ZNF426: variants seen among roughly 807,000 people sequenced by gnomAD.
ZNF426 encodes CTC-543D15.7.
A neutral mutation model predicts 24.0 loss-of-function variants in ZNF426; 23 were observed. The observed-to-expected ratio is 0.96, with a 90% confidence interval of 0.69 to 1.36. The LOEUF (loss-of-function observed/expected upper bound fraction) is 1.36. Ranked by LOEUF, ZNF426 falls within the 40% of genes most tolerant of loss-of-function variation. ZNF426 has a pLI of 0.00. For missense variants in ZNF426, 646 were observed against 658.4 expected (o/e 0.98, Z 0.21); for synonymous variants, 272 against 224.6 (o/e 1.21, Z -1.89).
Position 9,529,142 on chromosome 19 carries a change from G to A in ZNF426, c.903C>T (p.Thr301=). The A allele has an allele frequency of 6.2e-7, 1 of 1,614,140 alleles. No homozygotes were observed. The highest frequency in any genetic ancestry group is 1.6e-4 in the Middle Eastern group (1 of 6,062). ...ATTCATATGGTTTCTCCCCAGTGTG[G>A]GTTCGCATGTGAATACTGAGGTAGG... ...YPAYLSIHMR[T]HTGEKPYECK... is the part of the protein sequence containing the mutation. Residue 301 remains threonine (T), a synonymous_variant, in exon 8 of 8, where the codon ACC becomes ACT. Coordinates refer to ENST00000253115, the MANE Select transcript of ZNF426 (RefSeq NM_024106.3).
At chr19:9,537,191 TCAAA>T (rs148273067) in intron 2 of ZNF426, among the ~76,000 whole-genome samples, 4,072 of 151,972 alleles carry the variant, frequency 0.027, 185 homozygotes, top group African/African-American at 0.092. Flanking sequence ...AAACAGTGGC[TCAAA>T]CAATCACCTA....
rs1251821180 is a variant in ZNF426, at chr19:9,528,771, C to T, written c.1274G>A (p.Cys425Tyr). ...TGAGGGATACCCAAATACTTTCCCA[C>T]ATATCTTACACTCACAGGCCTTCTC... ...TEEKACECKI[C>Y]GKVFGYPSCL... is the part of the protein sequence containing the mutation. The change falls in exon 8 of 8, where the codon TGT becomes TAT. Residue 425 changes from cysteine to tyrosine, a missense_variant. Transcript: ENST00000253115. The T allele has an allele frequency of 1.9e-6, 3 of 1,614,116 alleles. No homozygotes were observed. Among genetic ancestry groups the T allele is most frequent in the Admixed American group, 1.7e-5 (1 of 60,014 alleles).
At position 9,527,519 on chromosome 19, in the gene ZNF426, T is replaced by C. The variant is rs1329837733; in HGVS notation, c.*861A>G. 1 of 152,216 alleles carries C rather than the reference T, an allele frequency of 6.6e-6. No homozygotes were observed. Among genetic ancestry groups the C allele is most frequent in the African/African-American group, 2.4e-5 (1 of 41,456 alleles). The allele number at this position is 152,216 out of a possible 1,614,324, so 9.4% of individuals were successfully genotyped here. ...TGAACATTCACAGGCTTTTTCATGC[T>C]CCTTACATTCATACAATTTCTCTCC... On this transcript the variant is annotated 3_prime_UTR_variant, in exon 8 of 8. Transcript: ENST00000253115.
rs2073933836 is a variant in ZNF426, at chr19:9,534,397, G to A, written c.118-431C>T. On this transcript the variant is annotated intron_variant, in intron 4 of 7. Coordinates refer to ENST00000253115, the MANE Select transcript of ZNF426 (RefSeq NM_024106.3). ...ATTTTTTGTATTTTTAGTAGAGATA[G>A]GGTTTCAGCATACTGGCTAGGTTGG... 2.0e-5 allele frequency among the ~76,000 whole-genome samples: 3 copies of A among 151,644 alleles called. No individual in the cohort carries two copies. The South Asian group carries it at 6.2e-4, about 32-fold the overall frequency.
In ZNF426 at chr19:9,524,466, T is replaced by C. The variant is rs1051100023; in HGVS notation, c.*3914A>G. 1 of 152,200 alleles carries C rather than the reference T, an allele frequency of 6.6e-6. No homozygotes were observed. The highest frequency in any genetic ancestry group is 2.4e-5 in the African/African-American group (1 of 41,444). The allele number at this position is 152,200 out of a possible 1,614,324, so 9.4% of individuals were successfully genotyped here. ...TTTCTCTCCAGTGTGAGTTCTTTAA[T>C]GACATGGAAAGGGACTGTAAGAATT... On this transcript the variant is annotated 3_prime_UTR_variant, in exon 8 of 8. Transcript: ENST00000253115.
rs946218436 is a variant in ZNF426 at position 9,526,971 on chromosome 19, T to C, written c.*1409A>G. On this transcript the variant is annotated 3_prime_UTR_variant, in exon 8 of 8. Transcript: ENST00000253115. ...AATTGATCTGATAACTTCTGAAAAA[T>C]AGCTACAATGTATTAGATTACATAT... is the stretch of plus-strand genomic sequence containing the variant. The C allele has an allele frequency of 7.2e-5, 11 of 152,304 alleles. 1 individual carries two copies. In the South Asian group the frequency reaches 2.1e-3, roughly 29 times the overall value. The allele number at this position is 152,304 out of a possible 1,614,324, so 9.4% of individuals were successfully genotyped here.
In ZNF426 at chr19:9,533,749, C is replaced by G. The variant is rs1003246787; in HGVS notation, c.244+91G>C. The G allele has an allele frequency of 4.4e-5, 68 of 1,537,964 alleles. No individual in the cohort carries two copies. The East Asian group carries it at 1.6e-3, about 35-fold the overall frequency. On this transcript the variant is annotated intron_variant, in intron 5 of 7. Coordinates refer to ENST00000253115, the MANE Select transcript of ZNF426 (RefSeq NM_024106.3). ...ACTATGTCTCTGTTATTTCTCTTTG[C>G]ATTCAGAGTTGACATTGCCAATGCT...
In ZNF426 at chr19:9,528,533, A is replaced by G. The variant is rs1269569398; in HGVS notation, c.1512T>C (p.Tyr504=). The change falls in exon 8 of 8, where the codon TAT becomes TAC. Residue 504 remains tyrosine (Y), a synonymous_variant. Coordinates refer to ENST00000253115, the MANE Select transcript of ZNF426 (RefSeq NM_024106.3). The part of the protein sequence containing the change: ...HERTHTGEKP[Y]ECKECGKAFT... Reference sequence around the variant, plus strand: ...AGGCTTTCCCACACTCCTTGCATTCATAGGGTTTCTCTCCAGTGTGAGTCC... The same window carrying G: ...AGGCTTTCCCACACTCCTTGCATTCGTAGGGTTTCTCTCCAGTGTGAGTCC... The G allele has an allele frequency of 3.1e-6, 5 of 1,614,172 alleles. No homozygotes were observed. Among genetic ancestry groups the G allele is most frequent in the Non-Finnish European group, 4.2e-6 (5 of 1,180,020 alleles).
chr19:9,529,559 C>T lies in ZNF426; in HGVS notation c.486G>A (p.Lys162=). ...GEVFSEHSCL[K]THVRTQSTGN... ...CTGTACTTTGAGTTCTCACGTGCGT[C>T]TTAAGGCATGAGTGTTCACTGAAGA... The change falls in exon 8 of 8, where the codon AAG becomes AAA. Residue 162 remains lysine (K), a synonymous_variant. Coordinates refer to ENST00000253115, the MANE Select transcript of ZNF426 (RefSeq NM_024106.3). The T allele has an allele frequency of 6.2e-7, 1 of 1,609,848 alleles. No homozygotes were observed. Among genetic ancestry groups the T allele is most frequent in the Admixed American group, 1.7e-5 (1 of 60,012 alleles).
chr19:9,534,541 G>A (rs2073936083), intron 4 of ZNF426, among the ~76,000 whole-genome samples: 1 of 151,998 alleles, frequency 6.6e-6, no homozygotes, highest in Non-Finnish European at 1.5e-5. Flanking sequence ...TGAGCGCATT[G>A]CTCAGCACAT....
intron 2 of ZNF426, among the ~76,000 whole-genome samples, chr19:9,537,273 C>A (rs1442839334): frequency 1.3e-5 from 2 of 151,960 alleles, no homozygotes; most frequent in Non-Finnish European, 2.9e-5. Context: ...ACCAAATTCA[C>A]AAAAACTCTA....
chr19:9,529,442 C>A lies in ZNF426; in HGVS notation c.603G>T (p.Gln201His). Reference protein sequence around the residue: ...STGEKLSEFNQSEKIFSLTPN... With the variant: ...STGEKLSEFNHSEKIFSLTPN... ...GTGTCAGGCTGAAGATTTTTTCACT[C>A]TGATTAAACTCAGAAAGTTTCTCAC... Residue 201 changes from glutamine to histidine, a missense_variant, in exon 8 of 8, where the codon CAG (glutamine) becomes CAT (histidine). Physicochemically the swap from Gln to His is conservative, Grantham distance 24 (BLOSUM62 0). Coordinates refer to ENST00000253115, the MANE Select transcript of ZNF426 (RefSeq NM_024106.3). 6.2e-7 allele frequency: 1 copy of A among 1,613,516 alleles called. No individual in the cohort carries two copies. The highest frequency in any genetic ancestry group is 8.5e-7 in the Non-Finnish European group (1 of 1,179,838).
chr19:9,528,734 A>G lies in ZNF426; in HGVS notation c.1311T>C (p.Asn437=), dbSNP rs2073831439. 1 of 1,613,982 alleles carries G rather than the reference A, an allele frequency of 6.2e-7. No individual in the cohort carries two copies. The highest frequency in any genetic ancestry group is 1.1e-5 in the South Asian group (1 of 91,066). ...TCTGGGCACTGTGCGTTCGCATGTG[A>G]TTATTAAGACATGAGGGATACCCAA... ...KVFGYPSCLN[N]HMRTHSAQKP... Residue 437 remains asparagine, a synonymous_variant, in exon 8 of 8, where the codon AAT becomes AAC. Coordinates refer to ENST00000253115, the MANE Select transcript of ZNF426 (RefSeq NM_024106.3).
At chr19:9,535,996 C>CT (rs1427276624) in intron 3 of ZNF426, among the ~76,000 whole-genome samples, 6 of 152,286 alleles carry the variant, frequency 3.9e-5, no homozygotes, top group East Asian at 3.9e-4. Context: ...GCATGGGACT[C>CT]TATCATGCTG....
At chr19:9,534,121 A>C (rs2073929512) in intron 4 of ZNF426, among the ~76,000 whole-genome samples, 155 bp from the exon 5 acceptor site, 1 of 152,238 alleles carries the variant, frequency 6.6e-6, no homozygotes, top group Non-Finnish European at 1.5e-5. Flanking sequence ...CTCGCACCCT[A>C]AACATACTCA....
chr19:9,535,849 A>C (rs1292321345), intron 3 of ZNF426, among the ~76,000 whole-genome samples: 1 of 151,748 alleles, frequency 6.6e-6, no homozygotes, highest in African/African-American at 2.4e-5. Context: ...AAAAAAAAAA[A>C]GAAAAGAAAG....
In ZNF426 at chr19:9,526,712, A is replaced by G. The variant is rs1444026856; in HGVS notation, c.*1668T>C. On this transcript the variant is annotated 3_prime_UTR_variant, in exon 8 of 8. Coordinates refer to ENST00000253115, the MANE Select transcript of ZNF426 (RefSeq NM_024106.3). ...ATTTCTCAAAATTAACTCAGACACC[A>G]AAACGCAAATCCAGGAGGCTAAGCA... 1.3e-5 allele frequency: 2 copies of G among 152,214 alleles called. No homozygotes were observed. The highest frequency in any genetic ancestry group is 4.8e-5 in the African/African-American group (2 of 41,462). The allele number at this position is 152,214 out of a possible 1,614,324, so 9.4% of individuals were successfully genotyped here.
At chr19:9,536,723 A>G (rs1332972701) in intron 2 of ZNF426, among the ~76,000 whole-genome samples, 1 of 152,194 alleles carries the variant, frequency 6.6e-6, no homozygotes, top group Non-Finnish European at 1.5e-5. Context: ...TCCCCAGCTC[A>G]CACTGTCAGA....
At position 9,532,929 on chromosome 19, in the gene ZNF426, A is replaced by G; in HGVS notation, c.245-4T>C. 1.2e-5 allele frequency: 19 copies of G among 1,611,286 alleles called. No homozygotes were observed. The highest frequency in any genetic ancestry group is 1.5e-5 in the Non-Finnish European group (18 of 1,177,766). ...CTGGGTTTGATGATCTGACCTCCTG[A>G]GCACAGAGAAATACATTAATGGAAG... On this transcript the variant is annotated splice_polypyrimidine_tract_variant and splice_region_variant and intron_variant, in intron 5 of 7. Coordinates refer to ENST00000253115, the MANE Select transcript of ZNF426 (RefSeq NM_024106.3).
Sources: allele counts gnomAD v4.1 joint callset (sites outside exome capture counted in the v4.1 genomes callset), GRCh38; gene constraint gnomAD v4.1.1; transcripts MANE v1.5; gene names NCBI Gene and HGNC (gene_info 2026-07-23, HGNC 2026-07-21).